Variants in BACH2 observed in about 807,000 individuals in gnomAD.
The protein encoded by BACH2 is BACH transcriptional regulator 2, also known as transcription regulator protein BACH2.
BACH2 carries 5 observed loss-of-function variants against 61.8 expected under a neutral mutation model. The observed-to-expected ratio is 0.08, with a 90% CI of 0.04 to 0.17. The LOEUF is 0.17. Among genes scored for constraint, BACH2 ranks in the 10% least tolerant of loss-of-function variants. The pLI is 1.00. For synonymous variants in BACH2, 446 were observed against 440.1 expected (o/e 1.01, Z -0.17); for missense variants, 824 against 1,091.1 (o/e 0.76, Z 3.45).
intron 4 of BACH2, among the ~76,000 whole-genome samples, chr6:90,197,327 T>C (rs1768794153): frequency 6.6e-6 from 1 of 152,212 alleles, no homozygotes; most frequent in South Asian, 2.1e-4. Flanking sequence ...TTTCCTTTCA[T>C]ACATAGCAAT....
At chr6:89,984,111 G>A (rs1776107727) in intron 6 of BACH2, among the ~76,000 whole-genome samples, 1 of 152,080 alleles carries the variant, frequency 6.6e-6, no homozygotes, top group South Asian at 2.1e-4. Flanking sequence ...CAATGGACCT[G>A]TCCTCTCTCC....
At chr6:90,171,712 A>C (rs1018430985) in intron 4 of BACH2, among the ~76,000 whole-genome samples, 1 of 152,236 alleles carries the variant, frequency 6.6e-6, no homozygotes, top group African/African-American at 2.4e-5. Context: ...GAAATCATCA[A>C]AGGCTTTAGC....
At chr6:90,216,503 C>T (rs1769542392) in intron 3 of BACH2, among the ~76,000 whole-genome samples, 1 of 152,198 alleles carries the variant, frequency 6.6e-6, no homozygotes, top group Non-Finnish European at 1.5e-5. Context: ...CACTGGGAAA[C>T]TCACTGTAAG....
intron 5 of BACH2, among the ~76,000 whole-genome samples, chr6:90,019,618 A>G (rs557880550): frequency 6.6e-6 from 1 of 152,308 alleles, no homozygotes; most frequent in Non-Finnish European, 1.5e-5. Context: ...TAACTGAGAG[A>G]AGCTAGTTTT....
chr6:90,290,921 T>C (rs1772157948), intron 1 of BACH2, among the ~76,000 whole-genome samples: 4 of 151,910 alleles, frequency 2.6e-5, no homozygotes, highest in African/African-American at 7.3e-5. Flanking sequence ...ATGAGATGAA[T>C]GGGAGGACTG....
intron 6 of BACH2, among the ~76,000 whole-genome samples, chr6:89,982,052 C>T (rs1240714251): frequency 6.6e-6 from 1 of 151,802 alleles, no homozygotes; most frequent in South Asian, 2.1e-4. Flanking sequence ...CTCACTGCAG[C>T]CTTTACCTCA....
Position 90,028,595 on chromosome 6 carries a change from G to A in BACH2, c.-12-19739C>T, listed in dbSNP as rs571935054. ...CACAATGCTACCTCAGACAAACCACGTGAGCTCTCTGTAAAGATTTCTCAT... is the reference window on the plus strand; with the variant it reads ...CACAATGCTACCTCAGACAAACCACATGAGCTCTCTGTAAAGATTTCTCAT... On this transcript the variant is annotated intron_variant, in intron 5 of 8. Transcript: ENST00000257749. 3.9e-5 allele frequency among the ~76,000 whole-genome samples: 6 copies of A among 152,164 alleles called. No homozygotes were observed. The South Asian group carries it at 1.2e-3, about 32-fold the overall frequency.
At chr6:90,050,848 C>T (rs950168970) in intron 5 of BACH2, among the ~76,000 whole-genome samples, 4 of 151,802 alleles carry the variant, frequency 2.6e-5, no homozygotes, top group African/African-American at 9.7e-5. Flanking sequence ...CGGTTCACTG[C>T]AACCTCCATC....
chr6:90,028,634 G>A (rs1778768223), intron 5 of BACH2, among the ~76,000 whole-genome samples: 1 of 152,194 alleles, frequency 6.6e-6, no homozygotes, highest in Non-Finnish European at 1.5e-5. Context: ...TAATCCAGTG[G>A]TCACAAGGCG....
At chr6:90,052,137 T>C (rs1026398887) in intron 5 of BACH2, among the ~76,000 whole-genome samples, 6 of 152,194 alleles carry the variant, frequency 3.9e-5, no homozygotes, top group Non-Finnish European at 5.9e-5. Flanking sequence ...TTCTTCCATA[T>C]GAAGAACACA....
chr6:89,977,091 AATT>A (rs1394979330), intron 6 of BACH2, among the ~76,000 whole-genome samples: 1 of 152,182 alleles, frequency 6.6e-6, no homozygotes, highest in Non-Finnish European at 1.5e-5. Flanking sequence ...TGCAGTGAGA[AATT>A]ATTATCTAGA....
chr6:90,054,370 T>C (rs1780211759), intron 5 of BACH2, among the ~76,000 whole-genome samples: 1 of 152,174 alleles, frequency 6.6e-6, no homozygotes, highest in Admixed American at 6.5e-5. Context: ...CACTCACCGC[T>C]AGCACAGCAG....
At chr6:90,248,265 T>C (rs939327717) in intron 3 of BACH2, among the ~76,000 whole-genome samples, 3 of 152,176 alleles carry the variant, frequency 2.0e-5, no homozygotes, top group Admixed American at 1.3e-4. Flanking sequence ...CCTGACAGAA[T>C]TGCACATTCT....
intron 3 of BACH2, among the ~76,000 whole-genome samples, chr6:90,241,870 CTTTTG>C (rs956512193): frequency 1.3e-4 from 20 of 150,842 alleles, no homozygotes; most frequent in Admixed American, 1.3e-3. Context: ...TTATACAAGG[CTTTTG>C]TTTTGTTTTG....
chr6:90,223,708 C>A (rs1003596324), intron 3 of BACH2, among the ~76,000 whole-genome samples: 1 of 152,012 alleles, frequency 6.6e-6, no homozygotes, highest in Non-Finnish European at 1.5e-5. Flanking sequence ...AACATGGACT[C>A]AAGCAATCCA....
chr6:90,189,664 C>T (rs1036430547), intron 4 of BACH2, among the ~76,000 whole-genome samples: 1 of 140,350 alleles, frequency 7.1e-6, no homozygotes, highest in African/African-American at 2.6e-5. Flanking sequence ...TGGCTTCAAA[C>T]TAAACAGCTG....
chr6:90,058,767 A>C (rs1780514689), intron 5 of BACH2, among the ~76,000 whole-genome samples: 1 of 152,234 alleles, frequency 6.6e-6, no homozygotes, highest in South Asian at 2.1e-4. Context: ...TACTGGTACC[A>C]AGACAGACAT....
intron 5 of BACH2, among the ~76,000 whole-genome samples, chr6:90,035,072 T>C (rs1779196710): frequency 6.6e-6 from 1 of 152,140 alleles, no homozygotes; most frequent in Admixed American, 6.6e-5. Context: ...AATTACCCCT[T>C]AGATAATTAA....
At chr6:90,140,767 C>T (rs1784432775) in intron 4 of BACH2, among the ~76,000 whole-genome samples, 1 of 152,164 alleles carries the variant, frequency 6.6e-6, no homozygotes, top group Non-Finnish European at 1.5e-5. Context: ...TTAATTAAGA[C>T]ACTGTCACAA....
Sources: gnomAD v4.1 joint callset for allele counts (sites outside exome capture counted in the v4.1 genomes callset) on GRCh38, gnomAD v4.1.1 for gene constraint, MANE v1.5 for transcripts, NCBI Gene and HGNC (gene_info 2026-07-23, HGNC 2026-07-21) for gene names.